CSMD1: variants seen among roughly 807,000 people sequenced by gnomAD.
CSMD1 encodes the protein CUB and sushi domain-containing protein 1.
In CSMD1, 213 loss-of-function variants were observed where a neutral mutation model predicts 417.5. The observed-to-expected ratio is 0.51, with a 90% confidence interval of 0.46 to 0.57. CSMD1 has a LOEUF of 0.57. Ranked by LOEUF, CSMD1 falls within the 20% of genes least tolerant of loss-of-function variation. CSMD1 has a pLI of 0.00. For missense variants in CSMD1, 6,923 were observed against 4,529.7 expected (o/e 1.53, Z -15.17); for synonymous variants, 2,862 against 1,736.8 (o/e 1.65, Z -16.11).
In CSMD1 at chr8:3,726,571, A is replaced by C. The variant is rs146219151; in HGVS notation, c.932-18080T>G. 4.4e-3 allele frequency among the ~76,000 whole-genome samples: 667 copies of C among 152,268 alleles called. 3 individuals carry two copies. The highest frequency in any genetic ancestry group is 0.015 in the African/African-American group (619 of 41,550). On this transcript the variant is annotated intron_variant, in intron 6 of 69. Coordinates refer to ENST00000635120, the MANE Select transcript of CSMD1 (RefSeq NM_033225.6). ...GTTTTTGAATCTTCATGTTTTCAGG[A>C]GAAGCAGGAAATCTGGATATTCATG...
At chr8:2,990,075 G>C (rs1806244473) in intron 54 of CSMD1, among the ~76,000 whole-genome samples, 1 of 152,180 alleles carries the variant, frequency 6.6e-6, no homozygotes, top group Admixed American at 6.5e-5. Flanking sequence ...CCTGTGTGGA[G>C]GTAACTGGGA....
At chr8:3,056,864 T>C (rs1254105966) in intron 49 of CSMD1, among the ~76,000 whole-genome samples, 1 of 151,982 alleles carries the variant, frequency 6.6e-6, no homozygotes, top group Non-Finnish European at 1.5e-5. Context: ...TAAATATATG[T>C]ACACATATAA....
At chr8:3,248,312 G>A (rs1800013902) in intron 26 of CSMD1, among the ~76,000 whole-genome samples, 1 of 58,420 alleles carries the variant, frequency 1.7e-5, no homozygotes, top group Non-Finnish European at 4.9e-5. Flanking sequence ...TGCACCTGTT[G>A]TCTCAGATAG....
chr8:4,029,887 G>T (rs370566269), intron 4 of CSMD1, among the ~76,000 whole-genome samples: 56 of 147,026 alleles, frequency 3.8e-4, no homozygotes, highest in African/African-American at 1.4e-3. Context: ...TCAAAAATGG[G>T]AGAAATTGGT....
At chr8:3,260,146 T>C (rs967602222) in intron 26 of CSMD1, among the ~76,000 whole-genome samples, 2 of 152,368 alleles carry the variant, frequency 1.3e-5, no homozygotes, top group East Asian at 3.9e-4. Context: ...TTCCCATTAA[T>C]TCTCATGTCT....
At chr8:3,506,252 T>C (rs1374382407) in intron 10 of CSMD1, among the ~76,000 whole-genome samples, 1 of 152,186 alleles carries the variant, frequency 6.6e-6, no homozygotes, top group Admixed American at 6.5e-5. Context: ...AGCCAGGCTC[T>C]ATGTCTGGCA....
At chr8:4,851,488 T>C (rs1344623576) in intron 1 of CSMD1, among the ~76,000 whole-genome samples, 1 of 152,080 alleles carries the variant, frequency 6.6e-6, no homozygotes. Flanking sequence ...TATTTGAGTA[T>C]TTCATCCATG....
At chr8:4,731,937 A>G (rs753342761) in intron 1 of CSMD1, among the ~76,000 whole-genome samples, 15 of 152,184 alleles carry the variant, frequency 9.9e-5, no homozygotes, top group Non-Finnish European at 1.8e-4. Context: ...AATAATAGTG[A>G]GAACGATCAC....
chr8:4,929,532 C>T (rs1807095351), intron 1 of CSMD1, among the ~76,000 whole-genome samples: 1 of 152,118 alleles, frequency 6.6e-6, no homozygotes, highest in Admixed American at 6.5e-5. Context: ...TTCAGAAGCA[C>T]TAGGTAACAC....
In CSMD1 at chr8:4,466,123, T is replaced by A. The variant is rs371917633; in HGVS notation, c.303-46058A>T. ...ACCAGCTCTCGAGTAAATGGGAGGA[T>A]AGTTTTATAAAGAATGAAATATTGT... On this transcript the variant is annotated intron_variant, in intron 2 of 69. Coordinates refer to ENST00000635120, the MANE Select transcript of CSMD1 (RefSeq NM_033225.6). Among the ~76,000 whole-genome samples the A allele has an allele frequency of 4.7e-4, 72 of 152,266 alleles. No individual in the cohort carries two copies. The East Asian group carries it at 6.6e-3, about 14-fold the overall frequency.
chr8:3,374,509 G>A (rs1045326723), intron 18 of CSMD1, among the ~76,000 whole-genome samples: 1 of 152,116 alleles, frequency 6.6e-6, no homozygotes, highest in Admixed American at 6.5e-5. Flanking sequence ...CTAAGAACAA[G>A]AATATTAAGT....
chr8:3,968,986 C>T (rs59083665), intron 5 of CSMD1, among the ~76,000 whole-genome samples: 1,972 of 152,304 alleles, frequency 0.013, 22 homozygotes, highest in Middle Eastern at 0.031. Flanking sequence ...GACAGTGGCT[C>T]ATACCTGTAC....
In CSMD1 at chr8:3,220,328, C is replaced by G. The variant is rs560541782; in HGVS notation, c.4485-886G>C. On this transcript the variant is annotated intron_variant, in intron 28 of 69. Transcript: ENST00000635120. Reference sequence around the variant, plus strand: ...CTCCATTTTTCTGTTTCTCTCTGCTCTAATATTAACATACAGTCAGTCCCC... The same window carrying G: ...CTCCATTTTTCTGTTTCTCTCTGCTGTAATATTAACATACAGTCAGTCCCC... Among the ~76,000 whole-genome samples, 4 of 152,172 alleles carry G rather than the reference C, an allele frequency of 2.6e-5. No homozygotes were observed. In the East Asian group the frequency reaches 7.7e-4, roughly 29 times the overall value.
intron 3 of CSMD1, among the ~76,000 whole-genome samples, chr8:4,202,470 A>C (rs1313983896): frequency 1.3e-5 from 2 of 152,238 alleles, no homozygotes; most frequent in Non-Finnish European, 2.9e-5. Flanking sequence ...GTAAGTTTTA[A>C]CTAAGTTTTA....
At chr8:4,993,906 C>T (rs964504259) in intron 1 of CSMD1, among the ~76,000 whole-genome samples, 8 of 152,078 alleles carry the variant, frequency 5.3e-5, no homozygotes, top group Admixed American at 1.3e-4. Flanking sequence ...CGGCTTCACC[C>T]GGGACGCTTT....
At position 3,110,199 on chromosome 8, in the gene CSMD1, G is replaced by T. The variant is rs778329445; in HGVS notation, c.6567C>A (p.Thr2189=). 8 of 1,612,914 alleles carry T rather than the reference G, an allele frequency of 5.0e-6. No homozygotes were observed. The highest frequency in any genetic ancestry group is 6.8e-6 in the Non-Finnish European group (8 of 1,179,526). Residue 2189 remains threonine (T), a synonymous_variant, in exon 43 of 70, where the codon ACC becomes ACA. Transcript: ENST00000635120. ...PPGHGVYINF[T]LLQTEAVNDY... ...CGTTGACAGCTTCCGTCTGTAACAG[G>T]GTGAAGTTGATGTAAACTCCGTGCC...
intron 18 of CSMD1, among the ~76,000 whole-genome samples, chr8:3,376,971 A>T (rs879825854): frequency 4.6e-5 from 7 of 152,164 alleles, no homozygotes; most frequent in Non-Finnish European, 1.0e-4. Flanking sequence ...AAACTCCCAT[A>T]TCAAACTCTA....
intron 4 of CSMD1, among the ~76,000 whole-genome samples, chr8:4,015,994 G>C (rs1050154356): frequency 6.6e-6 from 1 of 152,182 alleles, no homozygotes; most frequent in Non-Finnish European, 1.5e-5. Flanking sequence ...CCAAGTCAGA[G>C]CTGGCCTTAT....
intron 3 of CSMD1, among the ~76,000 whole-genome samples, chr8:4,405,641 C>T (rs934381302): frequency 1.3e-5 from 2 of 152,204 alleles, no homozygotes; most frequent in African/African-American, 4.8e-5. Flanking sequence ...TTTTGCTTGG[C>T]ATTGCATTAT....
Sources: allele counts gnomAD v4.1 joint callset (sites outside exome capture counted in the v4.1 genomes callset), GRCh38; gene constraint gnomAD v4.1.1; transcripts MANE v1.5; gene names NCBI Gene and HGNC (gene_info 2026-07-23, HGNC 2026-07-21).